AMPH: variants seen among roughly 807,000 people sequenced by gnomAD.
AMPH encodes the protein amphiphysin (Stiff-Mann syndrome with breast cancer 128kD autoantigen).
AMPH carries 49 observed loss-of-function variants against 99.1 expected under a neutral mutation model. That is an observed-to-expected ratio of 0.49 (90% CI 0.39 to 0.63). AMPH has a LOEUF of 0.63. AMPH is among the 20% of genes least tolerant of loss of function. The probability of loss-of-function intolerance (pLI) is 0.00; values close to 1 mark genes in which losing one functional copy is unlikely to be tolerated. For synonymous variants in AMPH, 314 were observed against 317.3 expected, an observed-to-expected ratio of 0.99 and a Z score of 0.11; for missense variants, 759 against 863.4, an observed-to-expected ratio of 0.88 and a Z score of 1.52.
intron 2 of AMPH, among the ~76,000 whole-genome samples, chr7:38,528,803 G>A (rs930693622): frequency 6.6e-6 from 1 of 151,710 alleles, no homozygotes; most frequent in Non-Finnish European, 1.5e-5. Flanking sequence ...CTTGAGGTAG[G>A]AAATTAGATT....
At chr7:38,607,083 G>A (rs1053725400) in intron 1 of AMPH, among the ~76,000 whole-genome samples, 1 of 151,986 alleles carries the variant, frequency 6.6e-6, no homozygotes, top group African/African-American at 2.4e-5. Flanking sequence ...TCATTACAGT[G>A]CCCAACTCTT....
intron 1 of AMPH, among the ~76,000 whole-genome samples, chr7:38,589,366 A>G (rs959195126): frequency 6.6e-6 from 1 of 152,218 alleles, no homozygotes; most frequent in Admixed American, 6.5e-5. Flanking sequence ...TCCTCATTCC[A>G]TCTCTCATTC....
intron 11 of AMPH, among the ~76,000 whole-genome samples, chr7:38,450,893 C>CA (rs1786985690): frequency 6.9e-6 from 1 of 144,364 alleles, no homozygotes; most frequent in Admixed American, 6.9e-5. Flanking sequence ...AAAACACTTT[C>CA]TTTTTTTTTT....
At chr7:38,445,024 C>T (rs562866822) in intron 11 of AMPH, among the ~76,000 whole-genome samples, 2,972 of 128,664 alleles carry the variant, frequency 0.023, 222 homozygotes, top group African/African-American at 0.057. Flanking sequence ...CACACACACA[C>T]GGTATATACA....
chr7:38,525,448 G>T (rs1169609959), intron 2 of AMPH, among the ~76,000 whole-genome samples: 1 of 111,362 alleles, frequency 9.0e-6, no homozygotes, highest in Non-Finnish European at 1.7e-5. Context: ...ATTTGTGCGT[G>T]TGTGTGTGTG....
intron 1 of AMPH, among the ~76,000 whole-genome samples, chr7:38,611,675 T>C (rs1793684446): frequency 6.6e-6 from 1 of 152,194 alleles, no homozygotes; most frequent in Admixed American, 6.5e-5. Flanking sequence ...ATTCCACACC[T>C]GTTATTTGCA....
intron 1 of AMPH, among the ~76,000 whole-genome samples, chr7:38,582,039 C>G (rs1293932374): frequency 6.6e-6 from 1 of 151,966 alleles, no homozygotes; most frequent in Non-Finnish European, 1.5e-5. Context: ...AAATACATGC[C>G]TGGTATATAA....
rs142513316 is a variant in AMPH at position 38,412,752 on chromosome 7, C to T, written c.1398+5073G>A. Among the ~76,000 whole-genome samples the T allele has an allele frequency of 2.9e-3, 448 of 152,274 alleles. 6 individuals are homozygous for T. In the South Asian group the frequency reaches 0.031, roughly 11 times the overall value. On this transcript the variant is annotated intron_variant, in intron 17 of 20. Coordinates refer to ENST00000356264, the MANE Select transcript of AMPH (RefSeq NM_001635.4). Reference sequence around the variant, plus strand: ...AGATCATCTGCCCTTCTTTTTCCTTCTACAACCACATGGAAGGAGGACGCA... The same window carrying T: ...AGATCATCTGCCCTTCTTTTTCCTTTTACAACCACATGGAAGGAGGACGCA...
chr7:38,560,950 T>G (rs1791533273), intron 1 of AMPH, among the ~76,000 whole-genome samples: 1 of 152,244 alleles, frequency 6.6e-6, no homozygotes, highest in African/African-American at 2.4e-5. Flanking sequence ...TTACTTGTTC[T>G]CTCAAACTTG....
chr7:38,396,259 G>A (rs1675248678), intron 17 of AMPH, among the ~76,000 whole-genome samples: 2 of 152,162 alleles, frequency 1.3e-5, no homozygotes, highest in Admixed American at 6.5e-5. Flanking sequence ...TGAATCATGG[G>A]GGTGGGTCTT....
chr7:38,443,190 C>T (rs1786623700), intron 11 of AMPH, among the ~76,000 whole-genome samples: 2 of 151,960 alleles, frequency 1.3e-5, no homozygotes, highest in African/African-American at 4.8e-5. Flanking sequence ...AAAATAGATA[C>T]CCTGAACTGC....
At chr7:38,451,312 T>C (rs1407559973) in intron 11 of AMPH, among the ~76,000 whole-genome samples, 1 of 147,726 alleles carries the variant, frequency 6.8e-6, no homozygotes, top group East Asian at 2.0e-4. Context: ...TACGTGTGTA[T>C]ATACACATAT....
chr7:38,587,233 A>G (rs956563948), intron 1 of AMPH, among the ~76,000 whole-genome samples: 7 of 152,232 alleles, frequency 4.6e-5, no homozygotes, highest in African/African-American at 1.7e-4. Flanking sequence ...TGTTTACTGT[A>G]CTTCAAAGCA....
At chr7:38,533,387 T>C (rs551706726) in intron 2 of AMPH, among the ~76,000 whole-genome samples, 3 of 152,226 alleles carry the variant, frequency 2.0e-5, no homozygotes, top group African/African-American at 7.2e-5. Flanking sequence ...TATAACACGT[T>C]TGCTATCCCA....
chr7:38,630,538 G>T (rs1458809550), intron 1 of AMPH, among the ~76,000 whole-genome samples: 2 of 152,140 alleles, frequency 1.3e-5, no homozygotes, highest in African/African-American at 4.8e-5. Flanking sequence ...TGCAATAAAA[G>T]GTCCTTCTTT....
At chr7:38,448,024 G>A (rs535139917) in intron 11 of AMPH, among the ~76,000 whole-genome samples, 1 of 152,264 alleles carries the variant, frequency 6.6e-6, no homozygotes, top group East Asian at 1.9e-4. Context: ...TTAGGAACAA[G>A]GCCAATCAGA....
chr7:38,466,019 A>ATGAT (rs1367121281), intron 8 of AMPH, among the ~76,000 whole-genome samples, 154 bp downstream of exon 8: 47 of 152,306 alleles, frequency 3.1e-4, no homozygotes, highest in African/African-American at 1.1e-3. Flanking sequence ...ACTATGAAAA[A>ATGAT]CCGTAGAAAT....
intron 11 of AMPH, among the ~76,000 whole-genome samples, chr7:38,458,170 C>T (rs183476567): frequency 1.3e-5 from 2 of 152,170 alleles, no homozygotes; most frequent in African/African-American, 4.8e-5. Flanking sequence ...CTCAGCATCA[C>T]GCAATATCTC....
chr7:38,434,477 T>C (rs930633396), intron 12 of AMPH, among the ~76,000 whole-genome samples: 2 of 152,108 alleles, frequency 1.3e-5, no homozygotes, highest in Admixed American at 6.5e-5. Flanking sequence ...TGGTGGCTCA[T>C]GCCTGTAATC....
Sources: allele counts gnomAD v4.1 joint callset (sites outside exome capture counted in the v4.1 genomes callset), GRCh38; gene constraint gnomAD v4.1.1; transcripts MANE v1.5; gene names NCBI Gene and HGNC (gene_info 2026-07-23, HGNC 2026-07-21).